Variants in BICRAL observed in about 807,000 individuals in gnomAD.
BICRAL encodes BRD4-interacting chromatin-remodeling complex-associated protein-like.
Under a neutral mutation model 91.8 loss-of-function variants are expected in BICRAL, and 8 were observed. The observed-to-expected ratio is 0.09, with a 90% CI of 0.05 to 0.16. BICRAL has a LOEUF of 0.16. Among genes scored for constraint, BICRAL ranks in the 10% least tolerant of loss-of-function variants. The pLI is 1.00. For synonymous variants in BICRAL, 445 were observed against 491.1 expected, an observed-to-expected ratio of 0.91 and a Z score of 1.24; for missense variants, 1,038 against 1,310.9, an observed-to-expected ratio of 0.79 and a Z score of 3.21.
chr6:42,835,184 A>G (rs1016963735), intron 6 of BICRAL, among the ~76,000 whole-genome samples: 1 of 151,544 alleles, frequency 6.6e-6, no homozygotes, highest in Non-Finnish European at 1.5e-5. Context: ...GCTGGAGTGC[A>G]ATGGCACGAT....
chr6:42,825,068 G>A (rs1764252038), intron 5 of BICRAL, among the ~76,000 whole-genome samples: 2 of 151,990 alleles, frequency 1.3e-5, no homozygotes, highest in African/African-American at 4.8e-5. Flanking sequence ...AGACCAGCCT[G>A]GCCAACATAG....
rs946702324 is a variant in BICRAL at position 42,865,547 on chromosome 6, C to A, written c.*101C>A. The A allele has an allele frequency of 1.6e-6, 1 of 636,124 alleles. No individual in the cohort carries two copies. Among genetic ancestry groups the A allele is most frequent in the Non-Finnish European group, 2.8e-6 (1 of 358,408 alleles). The allele number at this position is 636,124 out of a possible 1,614,324, so 39.4% of individuals were successfully genotyped here. On this transcript the variant is annotated 3_prime_UTR_variant, in exon 13 of 13. Coordinates refer to ENST00000314073, the MANE Select transcript of BICRAL (RefSeq NM_001393499.1). Reference sequence around the variant, plus strand: ...TGGCAAAAGCAAATGGAAATGGTCTCCTGTCTCCAGCCTGCTTGATCTTTC... The same window carrying A: ...TGGCAAAAGCAAATGGAAATGGTCTACTGTCTCCAGCCTGCTTGATCTTTC...
intron 1 of BICRAL, among the ~76,000 whole-genome samples, chr6:42,797,782 CCTGG>C (rs1175983311): frequency 1.3e-5 from 2 of 152,030 alleles, no homozygotes; most frequent in Non-Finnish European, 2.9e-5. Context: ...GAGAGACCAG[CCTGG>C]CCAACATGGT....
chr6:42,784,555 A>G (rs1029551382), intron 1 of BICRAL, among the ~76,000 whole-genome samples: 1 of 152,226 alleles, frequency 6.6e-6, no homozygotes, highest in Admixed American at 6.5e-5. Flanking sequence ...GATGCTTTGT[A>G]TAATTTCTAT....
At chr6:42,800,055 TTTTTGTTTTG>T (rs1238443588) in intron 1 of BICRAL, among the ~76,000 whole-genome samples, 3 of 151,558 alleles carry the variant, frequency 2.0e-5, no homozygotes, top group South Asian at 2.1e-4. Flanking sequence ...AATTTTTGGG[TTTTTGTTTTG>T]TTTTGTTTTG....
Position 42,852,435 on chromosome 6 carries a change from G to C in BICRAL, c.1945+238G>C, listed in dbSNP as rs567075492. 1.6e-4 allele frequency: 97 copies of C among 621,196 alleles called. 1 individual carries two copies. Among genetic ancestry groups the C allele is most frequent in the South Asian group, 1.4e-3 (95 of 66,024 alleles). 38.5% of individuals were successfully genotyped at this position (621,196 alleles called of 1,614,324 possible). On this transcript the variant is annotated intron_variant, in intron 7 of 12. Coordinates refer to ENST00000314073, the MANE Select transcript of BICRAL (RefSeq NM_001393499.1). The stretch of plus-strand genomic sequence containing the variant: ...CCAGCACTTTGGGAGGCCAAGGAGA[G>C]TGGATCACCTGAGATCAGGAGTTCA...
chr6:42,816,859 A>C (rs527724221), intron 2 of BICRAL, among the ~76,000 whole-genome samples: 17 of 151,786 alleles, frequency 1.1e-4, no homozygotes, highest in African/African-American at 4.1e-4. Flanking sequence ...CTAAAAATAC[A>C]AAAAATTAGC....
At chr6:42,776,935 T>TA (rs1001804297) in intron 1 of BICRAL, among the ~76,000 whole-genome samples, 4 of 152,248 alleles carry the variant, frequency 2.6e-5, no homozygotes, top group Non-Finnish European at 4.4e-5. Flanking sequence ...AGAGATATGC[T>TA]AATTTCTTGT....
At chr6:42,778,734 A>G (rs1255495438), upstream of BICRAL, among the ~76,000 whole-genome samples, 1 of 152,006 alleles carries the variant, frequency 6.6e-6, no homozygotes, top group Non-Finnish European at 1.5e-5. Flanking sequence ...TAATACCAGC[A>G]GTTTGAGAGG....
At chr6:42,830,315 C>A in intron 6 of BICRAL, 143 bp downstream of exon 6, 1 of 825,956 alleles carries the variant, frequency 1.2e-6, no homozygotes, top group Non-Finnish European at 1.9e-6. Context: ...CCTGTAATCC[C>A]AACACTTTGG....
At chr6:42,855,117 A>C (rs1765308166) in intron 8 of BICRAL, among the ~76,000 whole-genome samples, 1 of 152,204 alleles carries the variant, frequency 6.6e-6, no homozygotes, top group South Asian at 2.1e-4. Flanking sequence ...ACATGATGTA[A>C]AAAATGCCTC....
intron 2 of BICRAL, among the ~76,000 whole-genome samples, chr6:42,815,194 T>TC (rs1368421512): frequency 6.9e-6 from 1 of 145,462 alleles, no homozygotes; most frequent in Non-Finnish European, 1.5e-5. Context: ...TCTTTTTTTT[T>TC]TTTTTTTTTT....
In BICRAL at chr6:42,839,208, C is replaced by CA. The variant is rs202063242; in HGVS notation, c.1839+9044dup. 6.8e-3 allele frequency among the ~76,000 whole-genome samples: 1,036 copies of CA among 151,318 alleles called. 5 individuals are homozygous for CA. Among genetic ancestry groups the CA allele is most frequent in the African/African-American group, 0.022 (909 of 41,272 alleles). On this transcript the variant is annotated intron_variant, in intron 6 of 12. Transcript: ENST00000314073. ...GGGCAACAGAGTGAGACTCTGTCTC[C>CA]AAAAAAAAGAGCTTTTTCTTCCTCT...
At chr6:42,844,484 G>A (rs1192327239) in intron 6 of BICRAL, among the ~76,000 whole-genome samples, 5 of 130,160 alleles carry the variant, frequency 3.8e-5, no homozygotes, top group African/African-American at 1.5e-4. Flanking sequence ...ACTCCAGCGT[G>A]GGCTACAGAG....
At chr6:42,835,877 G>A (rs1764622780) in intron 6 of BICRAL, among the ~76,000 whole-genome samples, 1 of 152,222 alleles carries the variant, frequency 6.6e-6, no homozygotes, top group African/African-American at 2.4e-5. Flanking sequence ...GCTGCACTGA[G>A]GGTGATGGCA....
At position 42,784,881 on chromosome 6, in the gene BICRAL, G is replaced by T. The variant is rs547024434; in HGVS notation, c.-102+2780G>T. On this transcript the variant is annotated intron_variant, in intron 1 of 12. Transcript: ENST00000314073. ...CAATATTGACATTCTGGCCCACCCT[G>T]CACCCGCTATATCCAAAGATCTAGT... 3.3e-5 allele frequency among the ~76,000 whole-genome samples: 5 copies of T among 152,158 alleles called. No individual in the cohort carries two copies. In the East Asian group the frequency reaches 7.7e-4, roughly 23 times the overall value.
intron 6 of BICRAL, among the ~76,000 whole-genome samples, chr6:42,832,420 ATATAT>A (rs1294180038): frequency 8.5e-4 from 125 of 147,286 alleles, no homozygotes; most frequent in African/African-American, 2.5e-3. Context: ...TATATATATA[ATATAT>A]TATGTATTTA....
intron 1 of BICRAL, among the ~76,000 whole-genome samples, chr6:42,752,356 GC>G (rs1762393640): frequency 6.6e-6 from 1 of 152,184 alleles, no homozygotes; most frequent in Admixed American, 6.5e-5. Flanking sequence ...AGCCAGGGAG[GC>G]CCTAAGACTG....
At chr6:42,799,129 A>C in intron 1 of BICRAL, among the ~76,000 whole-genome samples, 1 of 151,598 alleles carries the variant, frequency 6.6e-6, no homozygotes, top group Non-Finnish European at 1.5e-5. Context: ...CTGGACTTGA[A>C]CTCCTGAGCT....
Sources: gnomAD v4.1 joint callset for allele counts (sites outside exome capture counted in the v4.1 genomes callset) on GRCh38, gnomAD v4.1.1 for gene constraint, MANE v1.5 for transcripts, NCBI Gene and HGNC (gene_info 2026-07-23, HGNC 2026-07-21) for gene names.